The following CHCHD6 variants were observed in gnomAD, a reference collection of about 807,000 sequenced individuals.
The protein encoded by CHCHD6 is MICOS complex subunit MIC25.
CHCHD6 carries 28 observed loss-of-function variants against 32.3 expected under a neutral mutation model. The ratio of observed to expected loss-of-function variants is 0.87; its 90% CI spans 0.64 to 1.19. The LOEUF (loss-of-function observed/expected upper bound fraction) is 1.19, where lower values mean the gene tolerates loss of function less well. Ranked by LOEUF, CHCHD6 falls within the 50% of genes most tolerant of loss-of-function variation. The pLI, the probability that CHCHD6 is intolerant of heterozygous loss-of-function variation, is 0.00. For synonymous variants in CHCHD6, 122 were observed against 117.5 expected, an observed-to-expected ratio of 1.04 and a Z score of -0.25; for missense variants, 333 against 307.0, an observed-to-expected ratio of 1.08 and a Z score of -0.63.
At chr3:126,866,346 G>A (rs1942289268) in intron 5 of CHCHD6, among the ~76,000 whole-genome samples, 1 of 152,196 alleles carries the variant, frequency 6.6e-6, no homozygotes, top group African/African-American at 2.4e-5. Context: ...AGTGAGCTGG[G>A]TGATAACAGT....
chr3:126,756,990 T>C (rs1230770297), intron 4 of CHCHD6, among the ~76,000 whole-genome samples: 1 of 152,224 alleles, frequency 6.6e-6, no homozygotes, highest in Non-Finnish European at 1.5e-5. Flanking sequence ...ACTGGTGGTA[T>C]TACAGATTTC....
intron 4 of CHCHD6, among the ~76,000 whole-genome samples, chr3:126,818,815 C>G (rs1382500474): frequency 6.6e-6 from 1 of 152,212 alleles, no homozygotes; most frequent in African/African-American, 2.4e-5. Context: ...TGCAACAGGC[C>G]TCATGGCATT....
intron 5 of CHCHD6, among the ~76,000 whole-genome samples, chr3:126,908,123 A>T (rs2078031928): frequency 2.0e-5 from 3 of 152,186 alleles, no homozygotes; most frequent in African/African-American, 7.2e-5. Flanking sequence ...GGGCTGTTGA[A>T]CCTTGTGAGT....
chr3:126,773,022 A>G (rs1271839615), intron 4 of CHCHD6, among the ~76,000 whole-genome samples: 1 of 150,268 alleles, frequency 6.7e-6, no homozygotes, highest in East Asian at 1.9e-4. Context: ...TCTTGGTTAG[A>G]CTTTTTTTTT....
intron 4 of CHCHD6, among the ~76,000 whole-genome samples, chr3:126,786,439 C>A (rs993841000): frequency 1.3e-5 from 2 of 152,166 alleles, no homozygotes; most frequent in African/African-American, 4.8e-5. Context: ...TTTACAGTCC[C>A]ACCAACAGTG....
At chr3:126,946,498 C>T (rs2078641294) in intron 6 of CHCHD6, among the ~76,000 whole-genome samples, 1 of 152,132 alleles carries the variant, frequency 6.6e-6, no homozygotes, top group African/African-American at 2.4e-5. Context: ...AGCAATGCAC[C>T]CCCAGGCTCT....
At chr3:126,760,688 A>G (rs1353893148) in intron 4 of CHCHD6, among the ~76,000 whole-genome samples, 1 of 152,232 alleles carries the variant, frequency 6.6e-6, no homozygotes, top group East Asian at 1.9e-4. Flanking sequence ...TCCTTTTTAA[A>G]GCTAAACAAT....
chr3:126,928,024 G>C (rs1176049526), intron 6 of CHCHD6, among the ~76,000 whole-genome samples: 1 of 152,208 alleles, frequency 6.6e-6, no homozygotes, highest in East Asian at 1.9e-4. Context: ...CACTGCCCTG[G>C]GGGCAGGGGT....
At chr3:126,792,178 T>C (rs892395246) in intron 4 of CHCHD6, among the ~76,000 whole-genome samples, 8 of 151,684 alleles carry the variant, frequency 5.3e-5, no homozygotes, top group African/African-American at 1.9e-4. Context: ...GCTGTGAATG[T>C]TGGTGTACAA....
At chr3:126,888,921 G>A (rs1207948271) in intron 5 of CHCHD6, among the ~76,000 whole-genome samples, 38 of 152,180 alleles carry the variant, frequency 2.5e-4, no homozygotes, top group Admixed American at 2.5e-3. Flanking sequence ...CCCTGCCACA[G>A]GGAGGCCCAC....
chr3:126,916,390 G>A (rs1189256353), intron 6 of CHCHD6, among the ~76,000 whole-genome samples: 6 of 118,104 alleles, frequency 5.1e-5, no homozygotes, highest in Admixed American at 2.8e-4. Context: ...AACAGAGTGA[G>A]AATCCATCTT....
chr3:126,719,307 G>C (rs1036149315), intron 1 of CHCHD6, among the ~76,000 whole-genome samples: 3 of 152,202 alleles, frequency 2.0e-5, no homozygotes, highest in African/African-American at 7.2e-5. Flanking sequence ...ACATGTGGTT[G>C]AGCATCTCAT....
chr3:126,941,614 A>G (rs2078560799), intron 6 of CHCHD6, among the ~76,000 whole-genome samples: 1 of 152,200 alleles, frequency 6.6e-6, no homozygotes, highest in Non-Finnish European at 1.5e-5. Flanking sequence ...AATTGCCGTC[A>G]CTGTTGGTCT....
At chr3:126,868,950 C>T (rs535778313) in intron 5 of CHCHD6, among the ~76,000 whole-genome samples, 2 of 152,304 alleles carry the variant, frequency 1.3e-5, no homozygotes, top group South Asian at 2.1e-4. Context: ...CTCACTCCAC[C>T]GGTGGCATGT....
At chr3:126,922,446 G>A (rs376235227) in intron 6 of CHCHD6, among the ~76,000 whole-genome samples, 2 of 152,248 alleles carry the variant, frequency 1.3e-5, no homozygotes, top group African/African-American at 4.8e-5. Context: ...ACCCCAGGGA[G>A]AGGCAGGTGG....
intron 5 of CHCHD6, among the ~76,000 whole-genome samples, chr3:126,868,508 A>T (rs1480973529): frequency 6.6e-6 from 1 of 152,180 alleles, no homozygotes; most frequent in Non-Finnish European, 1.5e-5. Flanking sequence ...GAAAAAAACA[A>T]ACAATGCAGA....
intron 6 of CHCHD6, among the ~76,000 whole-genome samples, chr3:126,918,806 A>G (rs1271933039): frequency 1.3e-5 from 2 of 152,220 alleles, no homozygotes; most frequent in African/African-American, 4.8e-5. Context: ...GGGCAGTGAA[A>G]TTACCTTTTT....
intron 5 of CHCHD6, among the ~76,000 whole-genome samples, chr3:126,880,310 T>A (rs567146597): frequency 1.3e-5 from 2 of 152,248 alleles, no homozygotes; most frequent in East Asian, 3.9e-4. Flanking sequence ...AAGCCCCTCC[T>A]GCAGGGCAGC....
intron 1 of CHCHD6, among the ~76,000 whole-genome samples, chr3:126,708,389 G>A (rs1434254356): frequency 6.6e-6 from 1 of 152,196 alleles, no homozygotes; most frequent in Admixed American, 6.5e-5. Context: ...GTGGCAGGTG[G>A]TGAGGCCAGA....
Sources: gnomAD v4.1 joint callset for allele counts (sites outside exome capture counted in the v4.1 genomes callset) on GRCh38, gnomAD v4.1.1 for gene constraint, MANE v1.5 for transcripts, NCBI Gene and HGNC (gene_info 2026-07-23, HGNC 2026-07-21) for gene names.